GPC5: variants seen among roughly 807,000 people sequenced by gnomAD.
The protein encoded by GPC5 is glypican-5.
Under a neutral mutation model 53.9 loss-of-function variants are expected in GPC5, and 47 were observed. That is an observed-to-expected ratio of 0.87 (90% CI 0.69 to 1.11). The LOEUF is 1.11. Ranked by LOEUF, GPC5 falls within the 50% of genes most tolerant of loss-of-function variation. The probability of loss-of-function intolerance (pLI) is 0.00; values close to 1 mark genes in which losing one functional copy is unlikely to be tolerated. For missense variants in GPC5, 748 were observed against 713.1 expected (o/e 1.05, Z -0.56); for synonymous variants, 286 against 263.3 (o/e 1.09, Z -0.84).
At chr13:91,948,371 CATAG>C (rs2039994995) in intron 6 of GPC5, among the ~76,000 whole-genome samples, 1 of 151,890 alleles carries the variant, frequency 6.6e-6, no homozygotes, top group Non-Finnish European at 1.5e-5. Context: ...TGAGGACGAG[CATAG>C]ATATTCATTC....
intron 2 of GPC5, among the ~76,000 whole-genome samples, chr13:91,490,340 C>T (rs1883873124): frequency 6.6e-6 from 1 of 151,858 alleles, no homozygotes. Context: ...AACAAGAGTG[C>T]CACAGAGAAA....
rs572094009 is a variant in GPC5 at position 92,416,672 on chromosome 13, T to C, written c.1561+271683T>C. On this transcript the variant is annotated intron_variant, in intron 7 of 7. Transcript: ENST00000377067. ...TAATTTAGGATTAGGCATAGCCTTA[T>C]TAGATATGACATCAAAAGCACAAGT... is the stretch of plus-strand genomic sequence containing the variant. Among the ~76,000 whole-genome samples the C allele has an allele frequency of 3.3e-5, 5 of 152,320 alleles. No individual in the cohort carries two copies. In the East Asian group the frequency reaches 9.6e-4, roughly 29 times the overall value.
intron 2 of GPC5, among the ~76,000 whole-genome samples, chr13:91,553,185 G>C (rs942427913): frequency 2.5e-5 from 3 of 121,366 alleles, no homozygotes; most frequent in African/African-American, 1.0e-4. Context: ...GTTTGAAGTA[G>C]ACAATATTTT....
intron 7 of GPC5, among the ~76,000 whole-genome samples, chr13:92,582,075 T>G (rs1242600356): frequency 3.9e-5 from 6 of 152,128 alleles, no homozygotes; most frequent in Admixed American, 2.6e-4. Context: ...CTTTGTCTAT[T>G]TTTGCTTTGT....
intron 6 of GPC5, among the ~76,000 whole-genome samples, chr13:91,917,272 A>T (rs187796063): frequency 7.2e-5 from 11 of 152,326 alleles, no homozygotes; most frequent in Admixed American, 5.9e-4. Flanking sequence ...ATTAAACCTT[A>T]AAGTTCCCAA....
intron 7 of GPC5, among the ~76,000 whole-genome samples, chr13:92,588,765 T>A (rs1173730402): frequency 6.6e-6 from 1 of 152,212 alleles, no homozygotes; most frequent in African/African-American, 2.4e-5. Flanking sequence ...TTTATAATTA[T>A]CTGAAAATTG....
At chr13:92,435,852 T>A (rs1416068020) in intron 7 of GPC5, among the ~76,000 whole-genome samples, 8 of 152,208 alleles carry the variant, frequency 5.3e-5, no homozygotes, top group Non-Finnish European at 1.2e-4. Flanking sequence ...TTTGGTAGAA[T>A]GCATTCAGGG....
chr13:91,789,651 C>T (rs544628369), intron 5 of GPC5, among the ~76,000 whole-genome samples: 1 of 152,122 alleles, frequency 6.6e-6, no homozygotes, highest in African/African-American at 2.4e-5. Context: ...ACTATACAGA[C>T]AATGTAAAGG....
intron 2 of GPC5, among the ~76,000 whole-genome samples, chr13:91,587,821 G>A (rs928943193): frequency 6.6e-6 from 1 of 152,162 alleles, no homozygotes. Context: ...TCATGAAAGA[G>A]AGTTTTATGG....
At chr13:91,509,668 CTCTT>C (rs1475890962) in intron 2 of GPC5, among the ~76,000 whole-genome samples, 2 of 151,922 alleles carry the variant, frequency 1.3e-5, no homozygotes, top group African/African-American at 2.4e-5. Flanking sequence ...TATTTCTTAA[CTCTT>C]TCTAAAGTAA....
Position 92,300,648 on chromosome 13 carries a change from T to C in GPC5, c.1561+155659T>C, listed in dbSNP as rs551506255. Among the ~76,000 whole-genome samples, 17 of 152,354 alleles carry C rather than the reference T, an allele frequency of 1.1e-4. No homozygotes were observed. The East Asian group carries it at 3.1e-3, about 28-fold the overall frequency. ...GTGCTGGACTAATTTAAAGGCTTTCTGTCTCACATCTTTTAAGACAGTGTA... is the reference window on the plus strand; with the variant it reads ...GTGCTGGACTAATTTAAAGGCTTTCCGTCTCACATCTTTTAAGACAGTGTA... On this transcript the variant is annotated intron_variant, in intron 7 of 7. Transcript: ENST00000377067.
rs141188669 is a variant in GPC5 at position 91,961,638 on chromosome 13, A to T, written c.1401+53581A>T. The stretch of plus-strand genomic sequence containing the variant: ...ATAACACAGCAGAAAACAAACTCAT[A>T]TGTCCTCAAAAGTTGAATGGACAAA... On this transcript the variant is annotated intron_variant, in intron 6 of 7. Coordinates refer to ENST00000377067, the MANE Select transcript of GPC5 (RefSeq NM_004466.6). Among the ~76,000 whole-genome samples, 36 of 152,198 alleles carry T rather than the reference A, an allele frequency of 2.4e-4. No homozygotes were observed. In the East Asian group the frequency reaches 6.9e-3, roughly 29 times the overall value.
At chr13:92,674,222 C>G (rs1293853346) in intron 7 of GPC5, among the ~76,000 whole-genome samples, 1 of 152,132 alleles carries the variant, frequency 6.6e-6, no homozygotes, top group Non-Finnish European at 1.5e-5. Flanking sequence ...GTTCCTCTCA[C>G]TGGGTTCATC....
At chr13:92,697,577 G>C (rs1199078167) in intron 7 of GPC5, among the ~76,000 whole-genome samples, 9 of 152,202 alleles carry the variant, frequency 5.9e-5, no homozygotes, top group Non-Finnish European at 7.3e-5. Flanking sequence ...TTGTTTATCA[G>C]CTTAAGGAGA....
chr13:92,297,273 C>A (rs1197011839), intron 7 of GPC5, among the ~76,000 whole-genome samples: 1 of 151,488 alleles, frequency 6.6e-6, no homozygotes, highest in African/African-American at 2.4e-5. Context: ...CGTGGAGAAC[C>A]TTTATATCTA....
At chr13:92,517,224 C>T (rs1270296082) in intron 7 of GPC5, among the ~76,000 whole-genome samples, 1 of 152,200 alleles carries the variant, frequency 6.6e-6, no homozygotes, top group Non-Finnish European at 1.5e-5. Context: ...AGGAGGCCTG[C>T]CTGCCTCTGT....
chr13:92,082,413 AT>A (rs2041303436), intron 6 of GPC5, among the ~76,000 whole-genome samples: 1 of 152,166 alleles, frequency 6.6e-6, no homozygotes, highest in Non-Finnish European at 1.5e-5. Context: ...CAAGGCTAAA[AT>A]TTATAATACC....
chr13:91,437,146 G>C (rs80116567), intron 1 of GPC5, among the ~76,000 whole-genome samples: 7,815 of 152,138 alleles, frequency 0.051, 305 homozygotes, highest in East Asian at 0.18. Context: ...TATCCAATTT[G>C]CCAGTCCGTG....
intron 2 of GPC5, among the ~76,000 whole-genome samples, chr13:91,627,525 T>C (rs1279126536): frequency 6.6e-6 from 1 of 152,088 alleles, no homozygotes; most frequent in African/African-American, 2.4e-5. Context: ...TCCAGACATA[T>C]CTATTAGGAA....
Sources: gnomAD v4.1 joint callset for allele counts (sites outside exome capture counted in the v4.1 genomes callset) on GRCh38, gnomAD v4.1.1 for gene constraint, MANE v1.5 for transcripts, NCBI Gene and HGNC (gene_info 2026-07-23, HGNC 2026-07-21) for gene names.